The following RALGAPB variants were observed in gnomAD, a reference collection of about 807,000 sequenced individuals.
RALGAPB encodes the protein ral GTPase-activating protein subunit beta.
A neutral mutation model predicts 161.1 loss-of-function variants in RALGAPB; 25 were observed. The observed-to-expected ratio is 0.16, with a 90% CI of 0.11 to 0.22. RALGAPB has a LOEUF of 0.22. Among genes scored for constraint, RALGAPB ranks in the 10% least tolerant of loss-of-function variants. The pLI, the probability that RALGAPB is intolerant of heterozygous loss-of-function variation, is 1.00. For missense variants in RALGAPB, 1,391 were observed against 1,815.2 expected, an observed-to-expected ratio of 0.77 and a Z score of 4.25; for synonymous variants, 629 against 626.1, an observed-to-expected ratio of 1.00 and a Z score of -0.07.
intron 12 of RALGAPB, 109 bp downstream of exon 12, chr20:38,525,627 A>G (rs559635163): frequency 2.1e-6 from 2 of 931,638 alleles, no homozygotes; most frequent in African/African-American, 3.4e-5. Context: ...TTTTCAATTC[A>G]AGTTATTTCA....
At chr20:38,516,094 A>T (rs1416073270) in intron 6 of RALGAPB, 98 bp from the exon 7 acceptor site, 1 of 911,222 alleles carries the variant, frequency 1.1e-6, no homozygotes, top group Non-Finnish European at 1.6e-6. Context: ...TCTGAATCAG[A>T]GAAATAGGCA....
At position 38,475,906 on chromosome 20, in the gene RALGAPB, C is replaced by T. The variant is rs182949975; in HGVS notation, c.-31+2837C>T. On this transcript the variant is annotated intron_variant, in intron 1 of 29. Coordinates refer to ENST00000262879, the MANE Select transcript of RALGAPB (RefSeq NM_020336.4). The stretch of plus-strand genomic sequence containing the variant: ...TGCTGGGATTACAGGCATTAGCCAC[C>T]GTCCCCAGCCCATAAAATATTCTTT... Among the ~76,000 whole-genome samples the T allele has an allele frequency of 1.8e-4, 27 of 152,252 alleles. No individual in the cohort carries two copies. In the South Asian group the frequency reaches 2.1e-3, roughly 12 times the overall value.
intron 6 of RALGAPB, among the ~76,000 whole-genome samples, chr20:38,515,881 G>A (rs894538825): frequency 6.6e-6 from 1 of 152,044 alleles, no homozygotes; most frequent in Non-Finnish European, 1.5e-5. Context: ...CCATAGGCAC[G>A]TGCCACCATG....
chr20:38,575,055 A>G lies in RALGAPB; in HGVS notation c.*88A>G. 9.0e-7 allele frequency: 1 copy of G among 1,107,424 alleles called. No individual in the cohort carries two copies. The highest frequency in any genetic ancestry group is 2.0e-5 in the Admixed American group (1 of 51,072). The allele number at this position is 1,107,424 out of a possible 1,614,324, so 68.6% of individuals were successfully genotyped here. A position where few individuals can be genotyped will look rare whatever the true frequency, so the allele number is the denominator to read the frequency against. ...GATAGGTGATCACTGTAAAAATAAA[A>G]ACAAATCACTCCCAAGAGCTTACTG... On this transcript the variant is annotated 3_prime_UTR_variant, in exon 30 of 30. Coordinates refer to ENST00000262879, the MANE Select transcript of RALGAPB (RefSeq NM_020336.4).
chr20:38,538,465 A>T (rs2145374648), intron 16 of RALGAPB: 1 of 166,292 alleles, frequency 6.0e-6, no homozygotes, highest in African/African-American at 2.4e-5. Context: ...CCAACTGTGT[A>T]ATAGGGTCTC....
intron 15 of RALGAPB, among the ~76,000 whole-genome samples, chr20:38,533,319 A>G (rs1243891666): frequency 6.6e-6 from 1 of 152,148 alleles, no homozygotes; most frequent in Non-Finnish European, 1.5e-5. Context: ...AGCTCACTAG[A>G]TTCTTTAGCC....
intron 5 of RALGAPB, among the ~76,000 whole-genome samples, chr20:38,503,757 G>A (rs952935920): frequency 3.3e-5 from 5 of 152,198 alleles, no homozygotes; most frequent in African/African-American, 9.6e-5. Flanking sequence ...GGCATTGCAT[G>A]CCACAGATAA....
At chr20:38,487,556 A>G (rs2085153594) in intron 1 of RALGAPB, among the ~76,000 whole-genome samples, 1 of 152,164 alleles carries the variant, frequency 6.6e-6, no homozygotes, top group Non-Finnish European at 1.5e-5. Flanking sequence ...TTTAGTGCGA[A>G]AAGGATGTAT....
intron 4 of RALGAPB, among the ~76,000 whole-genome samples, chr20:38,498,572 T>A (rs1459876778): frequency 6.6e-6 from 1 of 152,228 alleles, no homozygotes; most frequent in Admixed American, 6.5e-5. Flanking sequence ...TGCTACTTAC[T>A]CCCCATGCCA....
Position 38,490,454 on chromosome 20 carries a change from C to G in RALGAPB, c.186+1836C>G, listed in dbSNP as rs144969714. Among the ~76,000 whole-genome samples, 854 of 151,730 alleles carry G rather than the reference C, an allele frequency of 5.6e-3. 5 individuals are homozygous for G. Among genetic ancestry groups the G allele is most frequent in the African/African-American group, 0.019 (806 of 41,356 alleles). On this transcript the variant is annotated intron_variant, in intron 2 of 29. Coordinates refer to ENST00000262879, the MANE Select transcript of RALGAPB (RefSeq NM_020336.4). ...CAATCTCCTGACCTCGTGATCTGCCCGCCTCGGCCTCCCAAAGTGCTGGTA... is the reference window on the plus strand; with the variant it reads ...CAATCTCCTGACCTCGTGATCTGCCGGCCTCGGCCTCCCAAAGTGCTGGTA...
In RALGAPB at chr20:38,562,819, C is replaced by T. The variant is rs879770131; in HGVS notation, c.3697+122C>T. 14 of 1,079,442 alleles carry T rather than the reference C, an allele frequency of 1.3e-5. No homozygotes were observed. In the Admixed American group the frequency reaches 2.2e-4, roughly 17 times the overall value. 66.9% of individuals were successfully genotyped at this position (1,079,442 alleles called of 1,614,324 possible). A position where few individuals can be genotyped will look rare whatever the true frequency, so the allele number is the denominator to read the frequency against. ...TACAAAACCAGGCTGGGTACAGTGG[C>T]GCATGCCTGTCTTCAAGAAGCCAAG... On this transcript the variant is annotated intron_variant, in intron 24 of 29. Coordinates refer to ENST00000262879, the MANE Select transcript of RALGAPB (RefSeq NM_020336.4).
chr20:38,532,087 G>T (rs1431257890), intron 14 of RALGAPB, among the ~76,000 whole-genome samples: 2 of 152,008 alleles, frequency 1.3e-5, no homozygotes, highest in East Asian at 3.9e-4. Flanking sequence ...ACAGAGTCTC[G>T]CTCTGACTCC....
At chr20:38,527,102 A>G (rs770090105) in intron 13 of RALGAPB, among the ~76,000 whole-genome samples, 9 of 152,316 alleles carry the variant, frequency 5.9e-5, no homozygotes, top group Non-Finnish European at 7.3e-5. Context: ...TTATGGAGCA[A>G]TTGATCTCTG....
At position 38,525,802 on chromosome 20, in the gene RALGAPB, C is replaced by T. The variant is rs541887548; in HGVS notation, c.1903-93C>T. 84 of 1,315,844 alleles carry T rather than the reference C, an allele frequency of 6.4e-5. 2 individuals are homozygous for T. In the East Asian group the frequency reaches 1.9e-3, roughly 29 times the overall value. The allele number at this position is 1,315,844 out of a possible 1,614,324, so 81.5% of individuals were successfully genotyped here. Reference sequence around the variant, plus strand: ...CTAATATTAGACTGAAAGCCTTTCTCATTATACTGATCCGTTCCTCCATCT... The same window carrying T: ...CTAATATTAGACTGAAAGCCTTTCTTATTATACTGATCCGTTCCTCCATCT... On this transcript the variant is annotated intron_variant, in intron 12 of 29. Coordinates refer to ENST00000262879, the MANE Select transcript of RALGAPB (RefSeq NM_020336.4).
chr20:38,519,781 G>A (rs965896538), intron 9 of RALGAPB, among the ~76,000 whole-genome samples: 1 of 152,160 alleles, frequency 6.6e-6, no homozygotes, highest in East Asian at 1.9e-4. Flanking sequence ...CTCAAGTCTG[G>A]TGGGAGGCAT....
Position 38,517,836 on chromosome 20 carries a change from C to G in RALGAPB, c.1253C>G (p.Pro418Arg). 2 of 1,614,100 alleles carry G rather than the reference C, an allele frequency of 1.2e-6. No homozygotes were observed. The highest frequency in any genetic ancestry group is 1.7e-6 in the Non-Finnish European group (2 of 1,179,946). ...CAGCACCAGACGTCCTCCACCTCTCCTCTGTCAAGTCCAAATCAGACTAGT... is the reference window on the plus strand; with the variant it reads ...CAGCACCAGACGTCCTCCACCTCTCGTCTGTCAAGTCCAAATCAGACTAGT... Reference protein sequence around the residue: ...KVQHQTSSTSPLSSPNQTSSE... With the variant: ...KVQHQTSSTSRLSSPNQTSSE... Residue 418 changes from proline (P) to arginine (R), a missense_variant, in exon 9 of 30, where the codon CCT becomes CGT. Pro to Arg is a moderately radical substitution (Grantham distance 103). Around this residue, in one of 3 missense-constraint regions of RALGAPB, gnomAD observed 946 missense variants for 1,257.2 expected, o/e 0.75. Transcript: ENST00000262879.
chr20:38,517,958 T>C lies in RALGAPB; in HGVS notation c.1375T>C (p.Cys459Arg). ...SWLFDAAFVH[C>R]KLHNGINRDS... is the part of the protein sequence containing the mutation. ...GTTATTTGATGCAGCATTTGTTCAC[T>C]GTAAACTTCATAATGGGATAAACAG... The change falls in exon 9 of 30, where the codon TGT (cysteine) becomes CGT (arginine). Residue 459 changes from cysteine to arginine, a missense_variant. Around this residue, in one of 3 missense-constraint regions of RALGAPB, gnomAD observed 946 missense variants for 1,257.2 expected, o/e 0.75. Coordinates refer to ENST00000262879, the MANE Select transcript of RALGAPB (RefSeq NM_020336.4). 6.2e-7 allele frequency: 1 copy of C among 1,613,810 alleles called. No individual in the cohort carries two copies. Among genetic ancestry groups the C allele is most frequent in the Non-Finnish European group, 8.5e-7 (1 of 1,179,664 alleles).
intron 1 of RALGAPB, among the ~76,000 whole-genome samples, chr20:38,481,354 C>A (rs2084964531): frequency 6.6e-6 from 1 of 152,136 alleles, no homozygotes. Context: ...GAGCAGTTTA[C>A]AAAAGAAAGA....
chr20:38,525,359 T>C, intron 11 of RALGAPB, 45 bp from the exon 12 acceptor site: 6 of 1,354,460 alleles, frequency 4.4e-6, no homozygotes, highest in African/African-American at 2.9e-5. Flanking sequence ...TAGCTAAAAA[T>C]GTGCTTTAGT....
Sources: allele counts gnomAD v4.1 joint callset (sites outside exome capture counted in the v4.1 genomes callset), GRCh38; gene constraint gnomAD v4.1.1; regional missense constraint gnomAD v4.1.1; transcripts MANE v1.5; gene names NCBI Gene and HGNC (gene_info 2026-07-23, HGNC 2026-07-21).